The following TAF4B variants were observed in gnomAD, a reference collection of about 807,000 sequenced individuals.
The protein encoded by TAF4B is transcription initiation factor TFIID subunit 4B.
Under a neutral mutation model 86.4 loss-of-function variants are expected in TAF4B, and 38 were observed. The ratio of observed to expected loss-of-function variants is 0.44; its 90% confidence interval spans 0.34 to 0.58. The LOEUF (loss-of-function observed/expected upper bound fraction) is 0.58, where lower values mean the gene tolerates loss of function less well. Ranked by LOEUF, TAF4B falls within the 20% of genes least tolerant of loss-of-function variation. The pLI is 0.02. For synonymous variants in TAF4B, 388 were observed against 391.2 expected, an observed-to-expected ratio of 0.99 and a Z score of 0.10; for missense variants, 988 against 1,027.6, an observed-to-expected ratio of 0.96 and a Z score of 0.53.
intron 5 of TAF4B, among the ~76,000 whole-genome samples, chr18:26,276,419 C>T (rs2056385277): frequency 6.6e-6 from 1 of 152,184 alleles, no homozygotes; most frequent in Admixed American, 6.5e-5. Context: ...ATTTTTTGAA[C>T]TACTATAATA....
intron 1 of TAF4B, among the ~76,000 whole-genome samples, chr18:26,263,970 T>C (rs2056204581): frequency 6.6e-6 from 1 of 152,186 alleles, no homozygotes. Flanking sequence ...GTGTGTGAAA[T>C]AGGCATCTGA....
intron 12 of TAF4B, 136 bp downstream of exon 12, chr18:26,327,276 A>G: frequency 9.4e-7 from 1 of 1,068,048 alleles, no homozygotes; most frequent in Non-Finnish European, 1.3e-6. Flanking sequence ...AATTACTAAT[A>G]GGATGTCTCA....
At chr18:26,286,627 T>G in intron 7 of TAF4B, 128 bp downstream of exon 7, 1 of 1,058,788 alleles carries the variant, frequency 9.4e-7, no homozygotes, top group East Asian at 2.6e-5. Flanking sequence ...TTAATTTTTT[T>G]TTTTTTTTAC....
chr18:26,286,167 G>GGCC lies in TAF4B; in HGVS notation c.1258_1259insGCC (p.Ala420delinsGlyPro). 6.2e-7 allele frequency: 1 copy of GGCC among 1,614,202 alleles called. No homozygotes were observed. The highest frequency in any genetic ancestry group is 8.5e-7 in the Non-Finnish European group (1 of 1,180,040). On this transcript the variant is annotated protein_altering_variant, in exon 7 of 15. Coordinates refer to ENST00000269142, the MANE Select transcript of TAF4B (RefSeq NM_005640.3). The stretch of plus-strand genomic sequence containing the variant: ...ACTTCATTCTGTGGGCCCAACTGCT[G>GGCC]CAACAGGAGGAACAACAGCTGGAAC...
chr18:26,353,886 A>C (rs560993942), intron 13 of TAF4B, among the ~76,000 whole-genome samples: 2 of 152,122 alleles, frequency 1.3e-5, no homozygotes, highest in African/African-American at 4.8e-5. Context: ...TCTCTTATAG[A>C]TATGCATTAG....
chr18:26,287,120 G>C (rs1277762591), intron 7 of TAF4B, among the ~76,000 whole-genome samples: 1 of 152,134 alleles, frequency 6.6e-6, no homozygotes, highest in Non-Finnish European at 1.5e-5. Flanking sequence ...TCACACACAG[G>C]AAATTAATAT....
rs1476552391 is a variant in TAF4B, at chr18:26,332,939, A to G, written c.2260-2236A>G. Among the ~76,000 whole-genome samples, 88 of 152,026 alleles carry G rather than the reference A, an allele frequency of 5.8e-4. 1 individual carries two copies. Among genetic ancestry groups the G allele is most frequent in the South Asian group, 2.1e-4 (1 of 4,812 alleles). ...TCTTTCACCTTTTTTCTATGCTTCA[A>G]CCACATGGACCATCGTTCTTTCCTC... On this transcript the variant is annotated intron_variant, in intron 12 of 14. Coordinates refer to ENST00000269142, the MANE Select transcript of TAF4B (RefSeq NM_005640.3).
At chr18:26,311,271 G>A (rs1166302521) in intron 9 of TAF4B, among the ~76,000 whole-genome samples, 2 of 152,170 alleles carry the variant, frequency 1.3e-5, no homozygotes, top group Non-Finnish European at 1.5e-5. Context: ...TATAAAACCA[G>A]CATTTCTAAA....
At chr18:26,316,849 G>C (rs2056916868) in intron 10 of TAF4B, among the ~76,000 whole-genome samples, 3 of 151,992 alleles carry the variant, frequency 2.0e-5, no homozygotes, top group Admixed American at 2.0e-4. Flanking sequence ...TTTTGCATAT[G>C]TATTTTGTAT....
rs2057157084 is a variant in TAF4B at position 26,344,080 on chromosome 18, AAAGAAT to A, written c.2316+8852_2316+8857del. 2.0e-5 allele frequency among the ~76,000 whole-genome samples: 3 copies of A among 152,330 alleles called. No individual in the cohort carries two copies. In the South Asian group the frequency reaches 6.2e-4, roughly 32 times the overall value. On this transcript the variant is annotated intron_variant, in intron 13 of 14. Transcript: ENST00000269142. ...CTCCCAGCAAAGGGCTAGAAAATATAAAGAATAAAGTTATAAAATGGAAATTTAGGA... is the reference window on the plus strand; with the variant it reads ...CTCCCAGCAAAGGGCTAGAAAATATAAAAGTTATAAAATGGAAATTTAGGA...
intron 14 of TAF4B, among the ~76,000 whole-genome samples, chr18:26,362,020 T>C (rs1567922579): frequency 2.0e-5 from 3 of 152,210 alleles, no homozygotes; most frequent in African/African-American, 7.2e-5. Context: ...GAATGTGTTA[T>C]AGGCATGTCT....
Position 26,390,090 on chromosome 18 carries a change from T to A in TAF4B, c.*78T>A. 12 of 1,427,780 alleles carry A rather than the reference T, an allele frequency of 8.4e-6. No individual in the cohort carries two copies. Among genetic ancestry groups the A allele is most frequent in the Non-Finnish European group, 1.1e-5 (12 of 1,064,966 alleles). The allele number at this position is 1,427,780 out of a possible 1,614,324, so 88.4% of individuals were successfully genotyped here. A position where few individuals can be genotyped will look rare whatever the true frequency, so the allele number is the denominator to read the frequency against. ...AAGCATTGTTGCACTGTCCTGAAAT[T>A]TCAATTTCTGGAAAATAATCACCAA... On this transcript the variant is annotated 3_prime_UTR_variant, in exon 15 of 15. Coordinates refer to ENST00000269142, the MANE Select transcript of TAF4B (RefSeq NM_005640.3).
intron 10 of TAF4B, among the ~76,000 whole-genome samples, chr18:26,317,930 T>G (rs557967886): frequency 4.6e-5 from 7 of 152,346 alleles, no homozygotes; most frequent in African/African-American, 1.4e-4. Flanking sequence ...CCCGTAAAAC[T>G]TCACTTACAA....
chr18:26,255,893 T>G (rs2056076796), intron 1 of TAF4B: 8 of 1,236,906 alleles, frequency 6.5e-6, no homozygotes, highest in Non-Finnish European at 9.5e-6. Context: ...AAACAACTGG[T>G]GTTCTGTTAG....
At position 26,227,265 on chromosome 18, in the gene TAF4B, A is replaced by G; in HGVS notation, c.332A>G (p.Gln111Arg). 3.1e-6 allele frequency: 5 copies of G among 1,612,660 alleles called. No individual in the cohort carries two copies. The highest frequency in any genetic ancestry group is 4.2e-6 in the Non-Finnish European group (5 of 1,179,382). Residue 111 changes from glutamine to arginine, a missense_variant, in exon 1 of 15, where the codon CAG (glutamine) becomes CGG (arginine). Physicochemically the swap from Gln to Arg is conservative, Grantham distance 43. Transcript: ENST00000269142. ...TTTIQFPANL[Q>R]LPPGTVLIKS... is the part of the protein sequence containing the mutation. ...ACAATCCAGTTTCCTGCTAATTTGC[A>G]GCTTCCTCCAGGTATGTTGATAACC...
At chr18:26,381,916 GTTTT>G (rs1567932238) in intron 14 of TAF4B, among the ~76,000 whole-genome samples, 1 of 151,402 alleles carries the variant, frequency 6.6e-6, no homozygotes, top group African/African-American at 2.4e-5. Flanking sequence ...AATAAAAATG[GTTTT>G]TTTATGTTTC....
intron 14 of TAF4B, among the ~76,000 whole-genome samples, chr18:26,360,679 C>T (rs1322035931): frequency 2.0e-5 from 3 of 152,142 alleles, no homozygotes; most frequent in Non-Finnish European, 4.4e-5. Context: ...TCTCATTCTC[C>T]CTTAGGCTAG....
chr18:26,256,910 G>GT (rs1011615464), intron 1 of TAF4B, among the ~76,000 whole-genome samples: 56 of 147,312 alleles, frequency 3.8e-4, no homozygotes, highest in Admixed American at 5.4e-4. Flanking sequence ...AAGTAATTGT[G>GT]TTTTTTTTGC....
At chr18:26,322,845 TCTTC>T (rs987165520) in intron 11 of TAF4B, among the ~76,000 whole-genome samples, 1 of 152,096 alleles carries the variant, frequency 6.6e-6, no homozygotes, top group African/African-American at 2.4e-5. Flanking sequence ...TTATTTGAGA[TCTTC>T]CTTTTATAAT....
Sources: gnomAD v4.1 joint callset for allele counts (sites outside exome capture counted in the v4.1 genomes callset) on GRCh38, gnomAD v4.1.1 for gene constraint, MANE v1.5 for transcripts, NCBI Gene and HGNC (gene_info 2026-07-23, HGNC 2026-07-21) for gene names.